The following SGCD variants were observed in gnomAD, a reference collection of about 807,000 sequenced individuals.
SGCD encodes sarcoglycan delta.
SGCD carries 18 observed loss-of-function variants against 36.6 expected under a neutral mutation model. That is an observed-to-expected ratio of 0.49 (90% CI 0.34 to 0.73). SGCD has a LOEUF of 0.73. Among genes scored for constraint, SGCD ranks in the 30% least tolerant of loss-of-function variants. The probability of loss-of-function intolerance (pLI) is 0.01; values close to 1 mark genes in which losing one functional copy is unlikely to be tolerated. For synonymous variants in SGCD, 133 were observed against 130.6 expected (o/e 1.02, Z -0.12); for missense variants, 387 against 346.7 (o/e 1.12, Z -0.92).
At chr5:155,834,813 T>C in the SGCD span, among the ~76,000 whole-genome samples, 1 of 151,470 alleles carries the variant, frequency 6.6e-6, no homozygotes, top group Non-Finnish European at 1.5e-5. Flanking sequence ...ACCAGTTGTC[T>C]GTGAAACCAT....
intron 6 of SGCD, among the ~76,000 whole-genome samples, chr5:156,642,139 CT>C (rs2113567102): frequency 6.6e-6 from 1 of 152,232 alleles, no homozygotes; most frequent in South Asian, 2.1e-4. Flanking sequence ...TTTTTCTCTT[CT>C]TCTGAGGATG....
intron 3 of SGCD, among the ~76,000 whole-genome samples, chr5:156,426,765 A>G (rs1773690552): frequency 6.6e-6 from 1 of 151,998 alleles, no homozygotes; most frequent in Non-Finnish European, 1.5e-5. Context: ...GATCCAGTTC[A>G]TTCTTCTACT....
intron 6 of SGCD, among the ~76,000 whole-genome samples, chr5:156,637,741 T>G (rs2113553405): frequency 6.6e-6 from 1 of 152,284 alleles, no homozygotes. Flanking sequence ...CTGGCCATAC[T>G]GGGGATGAAG....
chr5:156,626,336 G>C (rs949302400), intron 6 of SGCD, among the ~76,000 whole-genome samples: 1 of 152,118 alleles, frequency 6.6e-6, no homozygotes. Flanking sequence ...TGTAGTGCCC[G>C]GTGTCAGGCC....
Position 156,347,991 on chromosome 5 carries a change from T to C in SGCD, c.192+3314T>C, listed in dbSNP as rs529732955. On this transcript the variant is annotated intron_variant, in intron 3 of 8. Transcript: ENST00000337851. ...TTGGTACTTTATAGCCAATAATGCA[T>C]TTGAGCAAATAGAACTGAAGTGTTA... Among the ~76,000 whole-genome samples the C allele has an allele frequency of 5.3e-5, 8 of 152,304 alleles. No individual in the cohort carries two copies. In the South Asian group the frequency reaches 1.7e-3, roughly 32 times the overall value.
At chr5:156,227,284 A>AAGAGATGAG (rs1764884700) in intron 3 of SGCD, among the ~76,000 whole-genome samples, 1 of 152,090 alleles carries the variant, frequency 6.6e-6, no homozygotes, top group African/African-American at 2.4e-5. Flanking sequence ...TATATAAGGT[A>AAGAGATGAG]AGAGATGAGG....
rs1414645978 is a variant in SGCD at position 156,617,184 on chromosome 5, T to C, written c.502+22133T>C. Among the ~76,000 whole-genome samples the C allele has an allele frequency of 2.0e-5, 3 of 152,222 alleles. No individual in the cohort carries two copies. In the East Asian group the frequency reaches 5.8e-4, roughly 29 times the overall value. ...TAACTGCTCAGTAAAATTTGTTGCA[T>C]GAATGGATTGAAAGATTTTGAATAC... On this transcript the variant is annotated intron_variant, in intron 6 of 8. Transcript: ENST00000337851.
rs70984404 is a variant in SGCD at position 156,333,783 on chromosome 5, A to ATTTTTTTTTTTTTTTTTTTTTTTTTTTTT, written c.3+4213_3+4241dup. Among the ~76,000 whole-genome samples, 6 of 19,966 alleles carry ATTTTTTTTTTTTTTTTTTTTTTTTTTTTT rather than the reference A, an allele frequency of 3.0e-4. 2 individuals carry two copies. The highest frequency in any genetic ancestry group is 3.8e-4 in the African/African-American group (2 of 5,236). 13.1% of individuals were successfully genotyped at this position (19,966 alleles called of 152,430 possible). A position where few individuals can be genotyped will look rare whatever the true frequency, so the allele number is the denominator to read the frequency against. ...GTGCTTTCTTTATGTTAGAAAAGTG[A>ATTTTTTTTTTTTTTTTTTTTTTTTTTTTT]TTTTTTTTTTTTTTTTTTTTTTTTT... On this transcript the variant is annotated intron_variant, in intron 2 of 8. Coordinates refer to ENST00000337851, the MANE Select transcript of SGCD (RefSeq NM_000337.6).
intron 3 of SGCD, among the ~76,000 whole-genome samples, chr5:156,373,122 A>C (rs1770478240): frequency 6.6e-6 from 1 of 152,186 alleles, no homozygotes. Flanking sequence ...AGCTGTCCAG[A>C]CATTAGAGTA....
At chr5:156,152,067 T>C (rs1762846745) in intron 3 of SGCD, among the ~76,000 whole-genome samples, 1 of 151,346 alleles carries the variant, frequency 6.6e-6, no homozygotes, top group Non-Finnish European at 1.5e-5. Context: ...TTTTTGAAAA[T>C]GGTCTTAAAA....
At chr5:156,497,896 C>T (rs556271348) in intron 3 of SGCD, among the ~76,000 whole-genome samples, 3 of 152,168 alleles carry the variant, frequency 2.0e-5, no homozygotes, top group East Asian at 3.9e-4. Flanking sequence ...ATGATGTCAC[C>T]GTTTATAATG....
At chr5:156,133,911 T>TAA (rs1438758430) in intron 3 of SGCD, among the ~76,000 whole-genome samples, 1 of 101,118 alleles carries the variant, frequency 9.9e-6, no homozygotes, top group Non-Finnish European at 2.0e-5. Context: ...TTTGCCGGGT[T>TAA]AAAACACACA....
chr5:156,691,206 C>CAAAAAAAA (rs58947494), intron 7 of SGCD, among the ~76,000 whole-genome samples: 35,062 of 61,574 alleles, frequency 0.57, 12,383 homozygotes, highest in African/African-American at 0.66. Context: ...GACTCTGTCT[C>CAAAAAAAA]AAAAAAAAAA....
At chr5:156,551,715 T>C (rs538062628) in intron 4 of SGCD, among the ~76,000 whole-genome samples, 1 of 152,224 alleles carries the variant, frequency 6.6e-6, no homozygotes, top group South Asian at 2.1e-4. Flanking sequence ...CTGGTTAAGG[T>C]GACTTCCGGT....
intron 3 of SGCD, among the ~76,000 whole-genome samples, chr5:156,224,210 C>T (rs756961267): frequency 1.3e-5 from 2 of 151,910 alleles, no homozygotes; most frequent in African/African-American, 2.4e-5. Flanking sequence ...CATGGTTACA[C>T]GGTCAATAAA....
chr5:156,670,874 T>C (rs1581371868), intron 7 of SGCD, among the ~76,000 whole-genome samples: 1 of 152,122 alleles, frequency 6.6e-6, no homozygotes. Context: ...AACTTGAAGG[T>C]AAAATTTCAA....
At chr5:156,668,778 T>C (rs1038906216) in intron 7 of SGCD, among the ~76,000 whole-genome samples, 2 of 152,030 alleles carry the variant, frequency 1.3e-5, no homozygotes, top group African/African-American at 2.4e-5. Flanking sequence ...ATGGGACATA[T>C]AGGAAAAGCA....
At chr5:156,262,465 G>A (rs893562205) in intron 3 of SGCD, among the ~76,000 whole-genome samples, 10 of 152,100 alleles carry the variant, frequency 6.6e-5, no homozygotes, top group South Asian at 6.2e-4. Context: ...TATGATGTTC[G>A]CACAATGACA....
intron 7 of SGCD, among the ~76,000 whole-genome samples, chr5:156,711,971 C>A (rs1470967215): frequency 6.6e-6 from 1 of 152,180 alleles, no homozygotes; most frequent in Non-Finnish European, 1.5e-5. Context: ...TTTTAGACCA[C>A]ATAGGCTAAC....
Sources: gnomAD v4.1 joint callset for allele counts (sites outside exome capture counted in the v4.1 genomes callset) on GRCh38, gnomAD v4.1.1 for gene constraint, MANE v1.5 for transcripts, NCBI Gene and HGNC (gene_info 2026-07-23, HGNC 2026-07-21) for gene names.